The following SAMD5 variants were observed in gnomAD, a reference collection of about 807,000 sequenced individuals.
The protein encoded by SAMD5 is sterile alpha motif domain containing 5.
SAMD5 carries 13 observed loss-of-function variants against 11.3 expected under a neutral mutation model. The observed-to-expected ratio is 1.15, with a 90% CI of 0.75 to 1.83. SAMD5 has a LOEUF of 1.83. SAMD5 is among the 40% of genes most tolerant of loss of function. The probability of loss-of-function intolerance (pLI) is 0.00; values close to 1 mark genes in which losing one functional copy is unlikely to be tolerated. For missense variants in SAMD5, 255 were observed against 239.1 expected (o/e 1.07, Z -0.44); for synonymous variants, 129 against 111.3 (o/e 1.16, Z -1.00).
chr6:147,739,922 C>T (rs927382093), downstream of SAMD5, among the ~76,000 whole-genome samples: 1 of 152,094 alleles, frequency 6.6e-6, no homozygotes, highest in Non-Finnish European at 1.5e-5. Context: ...CGGGTTCAAG[C>T]AATTCTCCTG....
the SAMD5 span, among the ~76,000 whole-genome samples, chr6:147,872,281 A>G: frequency 6.6e-6 from 1 of 151,500 alleles, no homozygotes; most frequent in Non-Finnish European, 1.5e-5. Flanking sequence ...GTTTTTTTTT[A>G]GAGATGGGGT....
At chr6:147,816,280 C>CAAAAAAAA in the SAMD5 span, among the ~76,000 whole-genome samples, 17 of 12,696 alleles carry the variant, frequency 1.3e-3, 1 homozygote, top group Non-Finnish European at 1.7e-3. Flanking sequence ...AACTCCGTCT[C>CAAAAAAAA]CAAAAAAAAA....
chr6:147,816,903 C>A, the SAMD5 span, among the ~76,000 whole-genome samples: 1 of 151,776 alleles, frequency 6.6e-6, no homozygotes, highest in Middle Eastern at 3.4e-3. Context: ...TTATCCATGG[C>A]CTCGAAGGTC....
At chr6:147,909,639 T>TCTC in the SAMD5 span, among the ~76,000 whole-genome samples, 36 of 138,790 alleles carry the variant, frequency 2.6e-4, no homozygotes, top group African/African-American at 4.4e-4. Context: ...TTTCTCTTTC[T>TCTC]TGTCTTTTGT....
Position 147,605,778 on chromosome 6 carries a change from A to C in SAMD5, c.162+96391A>C, listed in dbSNP as rs534056017. Among the ~76,000 whole-genome samples, 4 of 152,312 alleles carry C rather than the reference A, an allele frequency of 2.6e-5. No homozygotes were observed. The South Asian group carries it at 8.3e-4, about 32-fold the overall frequency. On this transcript the variant is annotated intron_variant, in intron 1 of 1. Coordinates refer to the SAMD5 transcript ENST00000566741. ...AGTGATGAGTTGAGCCGAAAGATAAAAACAATTACCATCAGGACTGTGTCT... is the reference window on the plus strand; with the variant it reads ...AGTGATGAGTTGAGCCGAAAGATAACAACAATTACCATCAGGACTGTGTCT...
chr6:147,510,287 A>T (rs1788068439), intron 1 of SAMD5, among the ~76,000 whole-genome samples: 1 of 152,150 alleles, frequency 6.6e-6, no homozygotes, highest in Non-Finnish European at 1.5e-5. Context: ...GGTACTTCAC[A>T]CCAGAGCTCT....
intron 1 of SAMD5, among the ~76,000 whole-genome samples, chr6:147,555,298 T>C (rs945672801): frequency 2.0e-5 from 3 of 152,260 alleles, no homozygotes; most frequent in Admixed American, 6.5e-5. Flanking sequence ...GCATTTTCCA[T>C]GTAACACCAT....
At chr6:147,849,228 A>T in the SAMD5 span, among the ~76,000 whole-genome samples, 3 of 147,794 alleles carry the variant, frequency 2.0e-5, no homozygotes, top group African/African-American at 5.1e-5. Flanking sequence ...TTAATTTTTT[A>T]AAAAAGTTCC....
At chr6:147,729,833 C>T (rs1193186479) in intron 1 of SAMD5, 1 of 456,556 alleles carries the variant, frequency 2.2e-6, no homozygotes, top group Admixed American at 2.4e-5. Flanking sequence ...GCCTGTAATC[C>T]CAGCACTTTG....
At chr6:147,541,703 C>CGAGACA (rs1788606888) in intron 1 of SAMD5, among the ~76,000 whole-genome samples, 1 of 152,130 alleles carries the variant, frequency 6.6e-6, no homozygotes, top group African/African-American at 2.4e-5. Flanking sequence ...CACACAAAGA[C>CGAGACA]GAGACAGACA....
intron 1 of SAMD5, among the ~76,000 whole-genome samples, chr6:147,685,818 G>A (rs73011996): frequency 1.2e-4 from 19 of 152,070 alleles, no homozygotes; most frequent in Middle Eastern, 3.2e-3. Context: ...ATGCTTTGCT[G>A]TCTGTGCATG....
chr6:147,656,714 T>TTG (rs1790573250), intron 1 of SAMD5, among the ~76,000 whole-genome samples: 1 of 152,156 alleles, frequency 6.6e-6, no homozygotes, highest in Non-Finnish European at 1.5e-5. Context: ...GACGATACAT[T>TTG]CTGTTGGAGA....
chr6:147,830,830 C>T, the SAMD5 span, among the ~76,000 whole-genome samples: 1 of 152,128 alleles, frequency 6.6e-6, no homozygotes, highest in Non-Finnish European at 1.5e-5. Flanking sequence ...CTAATTAAAC[C>T]ATACTAGCAG....
At position 147,565,281 on chromosome 6, in the gene SAMD5, C is replaced by G; in HGVS notation, c.*825C>G. ...AGCTGCAGTGCTTTATCCCACCTTG[C>G]TCTCCAGGCTTCTGACTTCAGGCCT... On this transcript the variant is annotated 3_prime_UTR_variant, in exon 2 of 2. Coordinates refer to ENST00000367474, the MANE Select transcript of SAMD5 (RefSeq NM_001030060.3). 1 of 985,894 alleles carries G rather than the reference C, an allele frequency of 1.0e-6. No homozygotes were observed. Among genetic ancestry groups the G allele is most frequent in the Non-Finnish European group, 1.2e-6 (1 of 829,970 alleles). The allele number at this position is 985,894 out of a possible 1,614,324, so 61.1% of individuals were successfully genotyped here.
At chr6:147,572,939 C>T (rs981989101), downstream of SAMD5, among the ~76,000 whole-genome samples, 3 of 152,150 alleles carry the variant, frequency 2.0e-5, no homozygotes, top group African/African-American at 7.2e-5. Context: ...CTACCCTGTA[C>T]CAAAGTAAAG....
At chr6:147,704,437 A>G (rs1791297974) in intron 1 of SAMD5, among the ~76,000 whole-genome samples, 1 of 152,198 alleles carries the variant, frequency 6.6e-6, no homozygotes, top group African/African-American at 2.4e-5. Context: ...ATTTAAATAC[A>G]CATGTCAAAT....
At chr6:147,920,258 C>T in the SAMD5 span, among the ~76,000 whole-genome samples, 5 of 152,170 alleles carry the variant, frequency 3.3e-5, no homozygotes, top group African/African-American at 1.2e-4. Flanking sequence ...CGTGGAAGGA[C>T]TTGACTTGCT....
chr6:147,625,262 G>A (rs1366938988), intron 1 of SAMD5, among the ~76,000 whole-genome samples: 1 of 152,170 alleles, frequency 6.6e-6, no homozygotes, highest in Non-Finnish European at 1.5e-5. Flanking sequence ...TCCACTGTTT[G>A]GGTATTTAGT....
the SAMD5 span, among the ~76,000 whole-genome samples, chr6:147,905,037 C>A: frequency 6.6e-6 from 1 of 151,894 alleles, no homozygotes; most frequent in African/African-American, 2.4e-5. Flanking sequence ...TACAGGCATG[C>A]GCCACCACGC....
Sources: allele counts gnomAD v4.1 joint callset (sites outside exome capture counted in the v4.1 genomes callset), GRCh38; gene constraint gnomAD v4.1.1; transcripts MANE v1.5; gene names NCBI Gene and HGNC (gene_info 2026-07-23, HGNC 2026-07-21).